The following XPR1 variants were observed in gnomAD, a reference collection of about 807,000 sequenced individuals.
XPR1 encodes xenotropic and polytropic retrovirus receptor 1.
XPR1 carries 28 observed loss-of-function variants against 87.5 expected under a neutral mutation model. The observed-to-expected ratio is 0.32, with a 90% CI of 0.24 to 0.44. The LOEUF (loss-of-function observed/expected upper bound fraction) is 0.44. Among genes scored for constraint, XPR1 ranks in the 20% least tolerant of loss-of-function variants. The pLI is 1.00. For missense variants in XPR1, 559 were observed against 862.3 expected (o/e 0.65, Z 4.41); for synonymous variants, 300 against 306.1 (o/e 0.98, Z 0.21).
At chr1:180,811,635 G>T (rs529012176) in intron 7 of XPR1, 147 bp downstream of exon 7, 7 of 573,620 alleles carry the variant, frequency 1.2e-5, no homozygotes, top group Admixed American at 3.7e-5. Context: ...TATAAATGTG[G>T]TTTTTTTTAG....
intron 11 of XPR1, among the ~76,000 whole-genome samples, chr1:180,838,137 A>G (rs911056772): frequency 1.1e-4 from 16 of 152,140 alleles, no homozygotes; most frequent in African/African-American, 3.9e-4. Flanking sequence ...ATTAACACAT[A>G]TTTGGTATGT....
chr1:180,707,813 C>A (rs1472988881), intron 2 of XPR1, among the ~76,000 whole-genome samples: 1 of 152,126 alleles, frequency 6.6e-6, no homozygotes, highest in African/African-American at 2.4e-5. Flanking sequence ...TAGTAAGAGA[C>A]CTTTCAGGGT....
At chr1:180,761,565 A>C (rs982529595) in intron 2 of XPR1, among the ~76,000 whole-genome samples, 1 of 152,236 alleles carries the variant, frequency 6.6e-6, no homozygotes, top group African/African-American at 2.4e-5. Flanking sequence ...TCAAAACCAC[A>C]ATGAGATACC....
chr1:180,864,495 T>C (rs1371570744), intron 12 of XPR1, among the ~76,000 whole-genome samples: 1 of 152,178 alleles, frequency 6.6e-6, no homozygotes, highest in African/African-American at 2.4e-5. Context: ...AATACTTGAC[T>C]AAATGAAAAG....
At chr1:180,662,627 G>A (rs979137449) in intron 1 of XPR1, among the ~76,000 whole-genome samples, 6 of 151,958 alleles carry the variant, frequency 3.9e-5, no homozygotes, top group African/African-American at 1.5e-4. Flanking sequence ...AATTCTGCTT[G>A]GTGTTCTATA....
chr1:180,797,012 G>T (rs902639976), intron 3 of XPR1, among the ~76,000 whole-genome samples: 2 of 152,130 alleles, frequency 1.3e-5, no homozygotes, highest in Admixed American at 1.3e-4. Flanking sequence ...GTAGGGGGTG[G>T]AAGTGGGGAT....
intron 11 of XPR1, among the ~76,000 whole-genome samples, chr1:180,842,455 A>G (rs913627661): frequency 6.6e-6 from 1 of 152,236 alleles, no homozygotes; most frequent in Non-Finnish European, 1.5e-5. Flanking sequence ...ACTCACTTAT[A>G]TTAAAAAGGA....
rs1037003713 is a variant in XPR1 at position 180,887,378 on chromosome 1, G to A, written c.*3312G>A. On this transcript the variant is annotated 3_prime_UTR_variant, in exon 15 of 15. Coordinates refer to ENST00000367590, the MANE Select transcript of XPR1 (RefSeq NM_004736.4). The stretch of plus-strand genomic sequence containing the variant: ...AATAAAACTCATTTTTCATTTTATG[G>A]TAGTATAGAAAGCATTGATGTGTGT... 4 of 152,188 alleles carry A rather than the reference G, an allele frequency of 2.6e-5. No homozygotes were observed. The highest frequency in any genetic ancestry group is 9.7e-5 in the African/African-American group (4 of 41,436). The allele number at this position is 152,188 out of a possible 1,614,324, so 9.4% of individuals were successfully genotyped here. A position where few individuals can be genotyped will look rare whatever the true frequency, so the allele number is the denominator to read the frequency against.
chr1:180,772,847 T>C (rs994874343), intron 2 of XPR1, among the ~76,000 whole-genome samples: 2 of 152,196 alleles, frequency 1.3e-5, no homozygotes, highest in African/African-American at 4.8e-5. Flanking sequence ...TGCCCAGTCT[T>C]GGGTATGTCT....
chr1:180,681,750 T>C (rs1656584339), intron 1 of XPR1, among the ~76,000 whole-genome samples: 1 of 152,176 alleles, frequency 6.6e-6, no homozygotes, highest in Non-Finnish European at 1.5e-5. Context: ...TGACTGCAAC[T>C]TCCGCCTCCT....
rs1482372127 is a variant in XPR1 at position 180,880,073 on chromosome 1, A to C, written c.1809-3A>C. The stretch of plus-strand genomic sequence containing the variant: ...GTACTTTGATCTACCCCATTTTGCT[A>C]AGGCGATTTGTGTGGAACTTCTTCC... On this transcript the variant is annotated splice_region_variant and splice_polypyrimidine_tract_variant and intron_variant, in intron 13 of 14. Coordinates refer to ENST00000367590, the MANE Select transcript of XPR1 (RefSeq NM_004736.4). 1 of 1,614,070 alleles carries C rather than the reference A, an allele frequency of 6.2e-7. No homozygotes were observed. The highest frequency in any genetic ancestry group is 1.3e-5 in the African/African-American group (1 of 74,928).
At chr1:180,715,467 T>G (rs75612502) in intron 2 of XPR1, among the ~76,000 whole-genome samples, 4,271 of 152,262 alleles carry the variant, frequency 0.028, 76 homozygotes, top group Non-Finnish European at 0.045. Flanking sequence ...GTCTATTGGT[T>G]TATCCAGTGT....
At chr1:180,838,801 AT>A (rs772715402) in intron 11 of XPR1, among the ~76,000 whole-genome samples, 5 of 152,140 alleles carry the variant, frequency 3.3e-5, no homozygotes, top group Non-Finnish European at 7.4e-5. Flanking sequence ...AATGTAATAT[AT>A]TTTTGTTTTA....
intron 2 of XPR1, among the ~76,000 whole-genome samples, chr1:180,733,923 T>C (rs1658641214): frequency 6.6e-6 from 1 of 152,234 alleles, no homozygotes; most frequent in South Asian, 2.1e-4. Context: ...TTTCACTAAA[T>C]GCTTTACGTA....
chr1:180,842,104 A>G (rs181017142), intron 11 of XPR1, among the ~76,000 whole-genome samples: 115 of 152,352 alleles, frequency 7.5e-4, no homozygotes, highest in African/African-American at 2.6e-3. Flanking sequence ...AATATGATTA[A>G]TTGGGTAGAT....
chr1:180,785,870 A>C lies in XPR1; in HGVS notation c.122-1883A>C, dbSNP rs1443077132. ...TAAGCTGTTACTCTTATTTTATATC[A>C]GCTATAGCTAGATGTTAGTTATTAT... On this transcript the variant is annotated intron_variant, in intron 2 of 14. Coordinates refer to ENST00000367590, the MANE Select transcript of XPR1 (RefSeq NM_004736.4). 2.6e-5 allele frequency among the ~76,000 whole-genome samples: 4 copies of C among 151,702 alleles called. No individual in the cohort carries two copies. In the South Asian group the frequency reaches 8.3e-4, roughly 32 times the overall value.
At chr1:180,757,652 G>A (rs2102045876) in intron 2 of XPR1, among the ~76,000 whole-genome samples, 2 of 151,830 alleles carry the variant, frequency 1.3e-5, no homozygotes, top group Middle Eastern at 6.8e-3. Context: ...GAGTAGGTAG[G>A]ACTACAGGTG....
At chr1:180,696,280 G>A (rs1038802358) in intron 2 of XPR1, among the ~76,000 whole-genome samples, 1 of 148,278 alleles carries the variant, frequency 6.7e-6, no homozygotes, top group Non-Finnish European at 1.5e-5. Flanking sequence ...TTCATTATTG[G>A]TGTATAGAAA....
chr1:180,641,586 A>G (rs1165915141), intron 1 of XPR1, among the ~76,000 whole-genome samples: 1 of 152,152 alleles, frequency 6.6e-6, no homozygotes, highest in Non-Finnish European at 1.5e-5. Flanking sequence ...TGTTTTTAGA[A>G]TTGAGGTGAA....
Sources: gnomAD v4.1 joint callset for allele counts (sites outside exome capture counted in the v4.1 genomes callset) on GRCh38, gnomAD v4.1.1 for gene constraint, MANE v1.5 for transcripts, NCBI Gene and HGNC (gene_info 2026-07-23, HGNC 2026-07-21) for gene names.